The following SCMH1 variants were observed in gnomAD, a reference collection of about 807,000 sequenced individuals.
The protein encoded by SCMH1 is Scm polycomb group protein homolog 1.
Under a neutral mutation model 70.8 loss-of-function variants are expected in SCMH1, and 37 were observed. That is an observed-to-expected ratio of 0.52 (90% CI 0.40 to 0.69). The LOEUF is 0.69. Ranked by LOEUF, SCMH1 falls within the 30% of genes least tolerant of loss-of-function variation. SCMH1 has a pLI of 0.00. For missense variants in SCMH1, 607 were observed against 827.3 expected, an observed-to-expected ratio of 0.73 and a Z score of 3.27; for synonymous variants, 292 against 307.4, an observed-to-expected ratio of 0.95 and a Z score of 0.52.
chr1:41,133,994 A>T (rs1027292695), intron 6 of SCMH1, among the ~76,000 whole-genome samples: 1 of 152,236 alleles, frequency 6.6e-6, no homozygotes, highest in Non-Finnish European at 1.5e-5. Flanking sequence ...ACAGAATTTT[A>T]GACCACTATC....
chr1:41,200,925 T>C (rs1654214033), intron 1 of SCMH1, among the ~76,000 whole-genome samples: 3 of 145,700 alleles, frequency 2.1e-5, no homozygotes, highest in Non-Finnish European at 1.5e-5. Context: ...TACTAACCTT[T>C]ACCATTTTTT....
chr1:41,134,815 C>A (rs1643000862), intron 6 of SCMH1, among the ~76,000 whole-genome samples: 2 of 152,104 alleles, frequency 1.3e-5, no homozygotes, highest in South Asian at 2.1e-4. Flanking sequence ...TTATTTTAAA[C>A]CATTAAGTAA....
intron 1 of SCMH1, among the ~76,000 whole-genome samples, chr1:41,187,023 T>C (rs1419293281): frequency 6.6e-6 from 1 of 152,166 alleles, no homozygotes; most frequent in Non-Finnish European, 1.5e-5. Flanking sequence ...GAACTTTCAC[T>C]CTTTTATTAC....
intron 10 of SCMH1, among the ~76,000 whole-genome samples, chr1:41,052,977 G>T (rs1231640070): frequency 6.7e-6 from 1 of 149,168 alleles, no homozygotes; most frequent in Non-Finnish European, 1.5e-5. Flanking sequence ...GAGTGCAGTG[G>T]TGCGGTCTTG....
intron 6 of SCMH1, among the ~76,000 whole-genome samples, chr1:41,121,190 A>C (rs1481241144): frequency 7.7e-6 from 1 of 129,548 alleles, no homozygotes; most frequent in African/African-American, 2.5e-5. Context: ...GACTTAAAAC[A>C]CTGCCTGGCA....
intron 8 of SCMH1, among the ~76,000 whole-genome samples, chr1:41,083,041 A>T (rs1660506477): frequency 6.6e-6 from 1 of 152,242 alleles, no homozygotes; most frequent in South Asian, 2.1e-4. Flanking sequence ...CAACACTGGA[A>T]GCATTCCCTT....
At chr1:41,179,243 GAGGGAAATTTAC>G (rs1353302340) in intron 2 of SCMH1, among the ~76,000 whole-genome samples, 5 of 152,110 alleles carry the variant, frequency 3.3e-5, no homozygotes, top group Non-Finnish European at 7.4e-5. Flanking sequence ...GCAGTGTGTA[GAGGGAAATTTAC>G]AGCACTAAAT....
At chr1:41,198,169 C>T (rs765966205) in intron 1 of SCMH1, among the ~76,000 whole-genome samples, 1 of 152,146 alleles carries the variant, frequency 6.6e-6, no homozygotes, top group African/African-American at 2.4e-5. Flanking sequence ...GCCTCAGCCC[C>T]CCAACACTTT....
chr1:41,099,012 A>G (rs1053968268), intron 8 of SCMH1: 3 of 259,306 alleles, frequency 1.2e-5, no homozygotes, highest in Admixed American at 1.2e-4. Flanking sequence ...GTTGTAAAGA[A>G]GCTCTATGAC....
chr1:41,209,425 T>G (rs1438567410), intron 1 of SCMH1, among the ~76,000 whole-genome samples: 2 of 152,148 alleles, frequency 1.3e-5, no homozygotes, highest in Non-Finnish European at 2.9e-5. Context: ...AAAGAAAATT[T>G]TAGACCAATA....
At chr1:41,132,533 G>C (rs529863787) in intron 6 of SCMH1, among the ~76,000 whole-genome samples, 2 of 152,284 alleles carry the variant, frequency 1.3e-5, no homozygotes, top group African/African-American at 4.8e-5. Context: ...TTGCTGTGCA[G>C]AAGTTCTTTA....
At chr1:41,177,898 A>G (rs530873869) in intron 2 of SCMH1, among the ~76,000 whole-genome samples, 28 of 152,304 alleles carry the variant, frequency 1.8e-4, no homozygotes, top group African/African-American at 6.7e-4. Context: ...TGCCACAAAC[A>G]TACTCCTCGA....
chr1:41,193,046 T>G (rs1273636441), intron 1 of SCMH1, among the ~76,000 whole-genome samples: 1 of 152,234 alleles, frequency 6.6e-6, no homozygotes, highest in Non-Finnish European at 1.5e-5. Context: ...AAACTTTATT[T>G]ACAAAAAACT....
chr1:41,041,995 G>A (rs776553838), intron 12 of SCMH1, among the ~76,000 whole-genome samples: 10 of 152,000 alleles, frequency 6.6e-5, no homozygotes, highest in Non-Finnish European at 1.0e-4. Flanking sequence ...CACTGCACCC[G>A]GCCGGGCCTC....
chr1:41,048,096 AG>A (rs148117264), intron 11 of SCMH1, among the ~76,000 whole-genome samples: 11,892 of 152,286 alleles, frequency 0.078, 598 homozygotes, highest in South Asian at 0.13. Context: ...AAGTCTTCAT[AG>A]GTTTAGTGGC....
intron 2 of SCMH1, among the ~76,000 whole-genome samples, chr1:41,168,956 C>T (rs1027425732): frequency 7.2e-5 from 11 of 152,198 alleles, no homozygotes; most frequent in African/African-American, 2.6e-4. Context: ...TTTCCATTTC[C>T]TTCTATCTTC....
intron 1 of SCMH1, among the ~76,000 whole-genome samples, chr1:41,217,627 G>A (rs1239832037): frequency 2.0e-5 from 3 of 152,196 alleles, no homozygotes; most frequent in Non-Finnish European, 4.4e-5. Flanking sequence ...CATTGCACAG[G>A]AGACTGACAA....
intron 8 of SCMH1, among the ~76,000 whole-genome samples, chr1:41,097,163 T>A (rs1157299000): frequency 5.9e-5 from 9 of 152,214 alleles, no homozygotes; most frequent in Non-Finnish European, 1.3e-4. Context: ...TAGGAGAAAT[T>A]GTTATCTTTT....
At chr1:41,054,082 G>C (rs1478695270) in intron 10 of SCMH1, among the ~76,000 whole-genome samples, 1 of 152,130 alleles carries the variant, frequency 6.6e-6, no homozygotes, top group African/African-American at 2.4e-5. Context: ...CTGACCTCAT[G>C]ATCCGCCTGC....
Sources: allele counts gnomAD v4.1 joint callset (sites outside exome capture counted in the v4.1 genomes callset), GRCh38; gene constraint gnomAD v4.1.1; transcripts MANE v1.5; gene names NCBI Gene and HGNC (gene_info 2026-07-23, HGNC 2026-07-21).